The following NRG1 variants were observed in gnomAD, a reference collection of about 807,000 sequenced individuals.
NRG1 encodes neuregulin 1.
NRG1 carries 18 observed loss-of-function variants against 63.8 expected under a neutral mutation model. The observed-to-expected ratio is 0.28, with a 90% CI of 0.19 to 0.42. The LOEUF (loss-of-function observed/expected upper bound fraction) is 0.42. Among genes scored for constraint, NRG1 ranks in the 10% least tolerant of loss-of-function variants. The probability of loss-of-function intolerance (pLI) is 1.00; values close to 1 mark genes in which losing one functional copy is unlikely to be tolerated. For missense variants in NRG1, 762 were observed against 814.7 expected, an observed-to-expected ratio of 0.94 and a Z score of 0.79; for synonymous variants, 302 against 301.3, an observed-to-expected ratio of 1.00 and a Z score of -0.02.
At chr8:32,362,869 G>T (rs1334171327) in intron 1 of NRG1, among the ~76,000 whole-genome samples, 1 of 152,214 alleles carries the variant, frequency 6.6e-6, no homozygotes, top group Non-Finnish European at 1.5e-5. Flanking sequence ...ACATGTGACA[G>T]ATACTCATGA....
intron 1 of NRG1, among the ~76,000 whole-genome samples, chr8:31,819,795 C>T (rs553661731): frequency 6.6e-6 from 1 of 152,264 alleles, no homozygotes; most frequent in African/African-American, 2.4e-5. Context: ...GCTAACATTT[C>T]CTAATTAGCC....
At chr8:31,793,228 A>G (rs1820882215) in intron 1 of NRG1, among the ~76,000 whole-genome samples, 1 of 152,178 alleles carries the variant, frequency 6.6e-6, no homozygotes, top group Non-Finnish European at 1.5e-5. Flanking sequence ...CAGATGGAGA[A>G]AAAAATGAAG....
chr8:31,758,987 G>A (rs1817256732), intron 1 of NRG1, among the ~76,000 whole-genome samples: 1 of 151,990 alleles, frequency 6.6e-6, no homozygotes, highest in African/African-American at 2.4e-5. Flanking sequence ...GTTTTAAATG[G>A]CATTTCTCTG....
chr8:32,168,373 C>A (rs1201352176), intron 1 of NRG1, among the ~76,000 whole-genome samples: 3 of 152,268 alleles, frequency 2.0e-5, no homozygotes, highest in Middle Eastern at 3.4e-3. Context: ...TGCCTGTGTT[C>A]TGATATCTGG....
chr8:32,734,127 G>A (rs138513411), intron 6 of NRG1, among the ~76,000 whole-genome samples: 5 of 152,292 alleles, frequency 3.3e-5, no homozygotes, highest in African/African-American at 7.2e-5. Flanking sequence ...TTAGGGAAGC[G>A]AGTCTTCCTT....
At chr8:32,730,267 G>A (rs1426543769) in intron 6 of NRG1, among the ~76,000 whole-genome samples, 1 of 152,000 alleles carries the variant, frequency 6.6e-6, no homozygotes, top group Non-Finnish European at 1.5e-5. Flanking sequence ...GGACAATGTA[G>A]CAAAACACCA....
chr8:31,943,371 G>C (rs539905550), intron 1 of NRG1, among the ~76,000 whole-genome samples: 1 of 151,986 alleles, frequency 6.6e-6, no homozygotes, highest in Non-Finnish European at 1.5e-5. Context: ...ATTGGACTTC[G>C]GGGACTTGCA....
chr8:31,894,691 C>T (rs1270177213), intron 1 of NRG1, among the ~76,000 whole-genome samples: 1 of 151,960 alleles, frequency 6.6e-6, no homozygotes, highest in East Asian at 1.9e-4. Context: ...GCTGGGACTA[C>T]AGGTGCCCAC....
intron 1 of NRG1, among the ~76,000 whole-genome samples, chr8:31,759,918 T>G (rs1434119999): frequency 6.6e-6 from 1 of 152,176 alleles, no homozygotes; most frequent in African/African-American, 2.4e-5. Context: ...GAAGATAGCC[T>G]AAGTCTTTTA....
At chr8:32,439,643 A>G (rs940449316) in intron 1 of NRG1, among the ~76,000 whole-genome samples, 1 of 152,168 alleles carries the variant, frequency 6.6e-6, no homozygotes, top group African/African-American at 2.4e-5. Flanking sequence ...AAAACATCAT[A>G]TTAGCTAAAT....
chr8:31,849,894 G>A (rs756336093), intron 1 of NRG1, among the ~76,000 whole-genome samples: 40 of 152,142 alleles, frequency 2.6e-4, no homozygotes, highest in African/African-American at 9.6e-4. Context: ...ATCTGTTGGG[G>A]GGAAATTTTG....
chr8:32,763,392 C>T (rs532984252), intron 11 of NRG1: 20 of 1,606,778 alleles, frequency 1.2e-5, no homozygotes, highest in East Asian at 2.2e-5. Flanking sequence ...CTTTCCCTTC[C>T]GAATCCCTGA....
At chr8:32,278,544 T>A (rs1852355919) in intron 1 of NRG1, among the ~76,000 whole-genome samples, 1 of 152,156 alleles carries the variant, frequency 6.6e-6, no homozygotes, top group Non-Finnish European at 1.5e-5. Context: ...TTCTTGGGTT[T>A]CTAACCCAAA....
intron 1 of NRG1, among the ~76,000 whole-genome samples, chr8:31,755,869 G>C (rs145362336): frequency 3.9e-4 from 59 of 152,160 alleles, no homozygotes; most frequent in African/African-American, 1.4e-3. Flanking sequence ...GCTCCAGAAG[G>C]CTTTATTTGA....
chr8:31,814,004 C>T (rs1251025639), intron 1 of NRG1, among the ~76,000 whole-genome samples: 1 of 152,172 alleles, frequency 6.6e-6, no homozygotes, highest in African/African-American at 2.4e-5. Context: ...TTTGAGCTTG[C>T]ACACAAACTT....
chr8:31,773,669 T>C (rs1297411179), intron 1 of NRG1, among the ~76,000 whole-genome samples: 1 of 152,160 alleles, frequency 6.6e-6, no homozygotes, highest in Non-Finnish European at 1.5e-5. Flanking sequence ...AGTGCATGCT[T>C]TTACTTAGCT....
At chr8:32,513,061 G>A (rs1489792458) in intron 1 of NRG1, among the ~76,000 whole-genome samples, 1 of 152,004 alleles carries the variant, frequency 6.6e-6, no homozygotes, top group Non-Finnish European at 1.5e-5. Flanking sequence ...AAGACAAAGA[G>A]GTAGGAATCA....
rs546629938 is a variant in NRG1 at position 32,591,725 on chromosome 8, G to T, written c.101-4103G>T. Among the ~76,000 whole-genome samples the T allele has an allele frequency of 3.3e-5, 5 of 152,138 alleles. No individual in the cohort carries two copies. In the South Asian group the frequency reaches 1.0e-3, roughly 32 times the overall value. ...AAATATTTACAAGAATTTCTTTCATGAATGCAAATTAACCAAGAGTTTAAA... is the reference window on the plus strand; with the variant it reads ...AAATATTTACAAGAATTTCTTTCATTAATGCAAATTAACCAAGAGTTTAAA... On this transcript the variant is annotated intron_variant, in intron 1 of 11. Coordinates refer to ENST00000356819, the Ensembl canonical transcript of NRG1.
At chr8:32,310,606 A>C (rs1401660735) in intron 1 of NRG1, among the ~76,000 whole-genome samples, 2 of 152,258 alleles carry the variant, frequency 1.3e-5, no homozygotes, top group African/African-American at 4.8e-5. Context: ...CTGGTTTTAT[A>C]GAACCCATTC....
Sources: gnomAD v4.1 joint callset for allele counts (sites outside exome capture counted in the v4.1 genomes callset) on GRCh38, gnomAD v4.1.1 for gene constraint, MANE v1.5 for transcripts, NCBI Gene and HGNC (gene_info 2026-07-23, HGNC 2026-07-21) for gene names.